Variants in TNR observed in about 807,000 individuals in gnomAD.
The protein encoded by TNR is tenascin R.
Under a neutral mutation model 150.4 loss-of-function variants are expected in TNR, and 45 were observed. The ratio of observed to expected loss-of-function variants is 0.30; its 90% CI spans 0.24 to 0.38. The LOEUF (loss-of-function observed/expected upper bound fraction) is 0.38. Among genes scored for constraint, TNR ranks in the 10% least tolerant of loss-of-function variants. TNR has a pLI of 1.00. For synonymous variants in TNR, 687 were observed against 678.4 expected (o/e 1.01, Z -0.20); for missense variants, 1,544 against 1,759.1 (o/e 0.88, Z 2.19).
intron 1 of TNR, among the ~76,000 whole-genome samples, chr1:175,538,245 G>A (rs556578626): frequency 1.1e-4 from 16 of 152,220 alleles, no homozygotes; most frequent in African/African-American, 3.9e-4. Flanking sequence ...AGCAGAGAGT[G>A]GCCAGCTACA....
intron 1 of TNR, among the ~76,000 whole-genome samples, chr1:175,668,918 A>C (rs934906044): frequency 6.6e-6 from 1 of 152,200 alleles, no homozygotes; most frequent in Non-Finnish European, 1.5e-5. Flanking sequence ...CCTGGTGTGC[A>C]TAGCCCCCTG....
At chr1:175,480,969 A>C (rs1340438678) in intron 2 of TNR, among the ~76,000 whole-genome samples, 1 of 152,218 alleles carries the variant, frequency 6.6e-6, no homozygotes, top group South Asian at 2.1e-4. Flanking sequence ...GACAGAATAA[A>C]CTAATTCCTA....
At chr1:175,367,151 G>T in intron 10 of TNR, 57 bp downstream of exon 10, 1 of 1,524,274 alleles carries the variant, frequency 6.6e-7, no homozygotes, top group South Asian at 1.1e-5. Context: ...GAGCCTCCAT[G>T]ACTCCTTAGG....
At chr1:175,671,987 G>GGGCACA (rs1665715679) in intron 1 of TNR, among the ~76,000 whole-genome samples, 1 of 151,054 alleles carries the variant, frequency 6.6e-6, no homozygotes, top group Non-Finnish European at 1.5e-5. Flanking sequence ...TTTAACTGAA[G>GGGCACA]GGCACAGGCT....
chr1:175,679,931 C>A (rs1665979119), intron 1 of TNR, among the ~76,000 whole-genome samples: 1 of 152,290 alleles, frequency 6.6e-6, no homozygotes, highest in East Asian at 1.9e-4. Context: ...CAGAGGTCCT[C>A]CGAGTACTGT....
intron 2 of TNR, among the ~76,000 whole-genome samples, chr1:175,467,742 G>A (rs187010791): frequency 1.3e-5 from 2 of 152,230 alleles, no homozygotes; most frequent in East Asian, 3.9e-4. Context: ...GAAATACGTG[G>A]GAATTTTCTT....
rs112762247 is a variant in TNR at position 175,687,863 on chromosome 1, C to G, written c.-165+55363G>C. Reference sequence around the variant, plus strand: ...CTGCTGTTAGCGCCCCCCACCACACCCTCCCCTCCCCCAGAATACGCTCCA... The same window carrying G: ...CTGCTGTTAGCGCCCCCCACCACACGCTCCCCTCCCCCAGAATACGCTCCA... On this transcript the variant is annotated intron_variant, in intron 1 of 22. Transcript: ENST00000367674. Among the ~76,000 whole-genome samples, 1,072 of 152,164 alleles carry G rather than the reference C, an allele frequency of 7.0e-3. 13 individuals carry two copies. The highest frequency in any genetic ancestry group is 0.024 in the African/African-American group (1,016 of 41,494).
At chr1:175,399,880 G>C (rs1034578931) in intron 4 of TNR, among the ~76,000 whole-genome samples, 2 of 152,218 alleles carry the variant, frequency 1.3e-5, no homozygotes, top group Non-Finnish European at 2.9e-5. Context: ...GTTGGAATTA[G>C]TTCCATGATG....
At chr1:175,352,121 C>A (rs1365038317) in intron 18 of TNR, among the ~76,000 whole-genome samples, 1 of 152,208 alleles carries the variant, frequency 6.6e-6, no homozygotes, top group Non-Finnish European at 1.5e-5. Flanking sequence ...AAACTGTACA[C>A]TGCTTGGCGC....
intron 1 of TNR, among the ~76,000 whole-genome samples, chr1:175,617,231 C>T (rs1663808046): frequency 6.6e-6 from 1 of 152,204 alleles, no homozygotes; most frequent in African/African-American, 2.4e-5. Flanking sequence ...CTGATCATTA[C>T]ACAAAAATAT....
chr1:175,342,089 T>A (rs1267952491), intron 18 of TNR, among the ~76,000 whole-genome samples: 1 of 152,176 alleles, frequency 6.6e-6, no homozygotes, highest in Non-Finnish European at 1.5e-5. Flanking sequence ...AATACTGGGC[T>A]AAAAGATGGG....
chr1:175,330,270 C>A (rs1649665530), intron 20 of TNR, 35 bp from the exon 21 acceptor site: 3 of 1,462,392 alleles, frequency 2.1e-6, no homozygotes, highest in African/African-American at 2.8e-5. Context: ...CTGAGACTGG[C>A]CCCCAGCAGC....
chr1:175,607,915 T>A (rs1663466265), intron 1 of TNR, among the ~76,000 whole-genome samples: 1 of 152,354 alleles, frequency 6.6e-6, no homozygotes, highest in African/African-American at 2.4e-5. Flanking sequence ...AAAGTTTCTA[T>A]CTTACTGCAG....
chr1:175,668,062 G>A (rs975575123), intron 1 of TNR, among the ~76,000 whole-genome samples: 1 of 152,120 alleles, frequency 6.6e-6, no homozygotes, highest in Non-Finnish European at 1.5e-5. Context: ...GTCCCCAGGT[G>A]GTTCATATGC....
chr1:175,479,388 G>C (rs1388318040), intron 2 of TNR, among the ~76,000 whole-genome samples: 1 of 152,184 alleles, frequency 6.6e-6, no homozygotes, highest in Admixed American at 6.5e-5. Flanking sequence ...TATTCCCAGG[G>C]AGAGCCTGAC....
chr1:175,547,664 A>G (rs2901916), intron 1 of TNR, among the ~76,000 whole-genome samples: 1 of 151,584 alleles, frequency 6.6e-6, no homozygotes, highest in South Asian at 2.1e-4. Context: ...AGAAGAAAGA[A>G]AGAAAGAAAG....
chr1:175,466,916 C>T (rs1298901771), intron 2 of TNR, among the ~76,000 whole-genome samples: 1 of 152,170 alleles, frequency 6.6e-6, no homozygotes, highest in Non-Finnish European at 1.5e-5. Context: ...GAGACAGTCC[C>T]GAACTTCCCT....
intron 14 of TNR, 43 bp from the exon 15 acceptor site, chr1:175,359,774 A>T: frequency 6.4e-7 from 1 of 1,567,556 alleles, no homozygotes; most frequent in Non-Finnish European, 8.6e-7. Context: ...GAGGAGCTGC[A>T]GGATAGAAAT....
intron 2 of TNR, among the ~76,000 whole-genome samples, chr1:175,427,772 CTCTT>C (rs1227212154): frequency 8.2e-5 from 10 of 122,372 alleles, no homozygotes; most frequent in African/African-American, 1.9e-4. Context: ...CCCTCCTTCC[CTCTT>C]TCTTTCCCTT....
Sources: allele counts gnomAD v4.1 joint callset (sites outside exome capture counted in the v4.1 genomes callset), GRCh38; gene constraint gnomAD v4.1.1; transcripts MANE v1.5; gene names NCBI Gene and HGNC (gene_info 2026-07-23, HGNC 2026-07-21).